Variants in ZNF84 observed in about 807,000 individuals in gnomAD.
ZNF84 encodes zinc finger protein HPF2.
In ZNF84, 12 loss-of-function variants were observed where a neutral mutation model predicts 14.8. That is an observed-to-expected ratio of 0.81 (90% CI 0.52 to 1.31). The LOEUF (loss-of-function observed/expected upper bound fraction) is 1.31, where lower values mean the gene tolerates loss of function less well. Among genes scored for constraint, ZNF84 ranks in the 50% most tolerant of loss-of-function variants. The probability of loss-of-function intolerance (pLI) is 0.00; values close to 1 mark genes in which losing one functional copy is unlikely to be tolerated. For synonymous variants in ZNF84, 347 were observed against 291.1 expected (o/e 1.19, Z -1.96); for missense variants, 859 against 878.6 (o/e 0.98, Z 0.28).
In ZNF84 at chr12:133,058,544, A is replaced by G; in HGVS notation, c.1829A>G (p.Glu610Gly). ...ECSLCRKAFFEKSELIRHLRT... is the reference protein window; with the variant it reads ...ECSLCRKAFFGKSELIRHLRT... ...AGTCTTTGTAGGAAAGCTTTTTTTG[A>G]GAAGTCGGAGCTAATTAGACATCTG... The change falls in exon 5 of 5, where the codon GAG (glutamate) becomes GGG (glycine). Residue 610 changes from glutamate (E) to glycine (G), a missense_variant. Glu to Gly is a moderately conservative substitution (Grantham distance 98, BLOSUM62 -2). Coordinates refer to ENST00000539354, the MANE Select transcript of ZNF84 (RefSeq NM_001289971.2). 1 of 1,613,990 alleles carries G rather than the reference A, an allele frequency of 6.2e-7. No individual in the cohort carries two copies. The highest frequency in any genetic ancestry group is 8.5e-7 in the Non-Finnish European group (1 of 1,179,962).
intron 2 of ZNF84, among the ~76,000 whole-genome samples, chr12:133,041,711 C>T (rs111542690): frequency 2.0e-5 from 3 of 152,322 alleles, no homozygotes; most frequent in African/African-American, 7.2e-5. Flanking sequence ...TACATAATTA[C>T]TGCATTTGAG....
intron 1 of ZNF84, among the ~76,000 whole-genome samples, chr12:133,038,202 A>G (rs1411851763): frequency 6.6e-6 from 1 of 152,162 alleles, no homozygotes; most frequent in Admixed American, 6.5e-5. Flanking sequence ...TTTTCTTTCA[A>G]ATATTCTTGT....
rs1954226059 is a variant in ZNF84 at position 133,059,755 on chromosome 12, T to C, written c.*823T>C. ...TGAAGACAACACTACACACCACTGGTTTTTATTTTTTAACAATAATATAAA... is the reference window on the plus strand; with the variant it reads ...TGAAGACAACACTACACACCACTGGCTTTTATTTTTTAACAATAATATAAA... On this transcript the variant is annotated 3_prime_UTR_variant, in exon 5 of 5. Coordinates refer to ENST00000539354, the MANE Select transcript of ZNF84 (RefSeq NM_001289971.2). The C allele has an allele frequency of 6.6e-6, 1 of 152,202 alleles. No homozygotes were observed. Among genetic ancestry groups the C allele is most frequent in the African/African-American group, 2.4e-5 (1 of 41,454 alleles). The allele number at this position is 152,202 out of a possible 1,614,324, so 9.4% of individuals were successfully genotyped here.
At position 133,061,841 on chromosome 12, in the gene ZNF84, G is replaced by A. The variant is rs878924666; in HGVS notation, c.*2909G>A. 1 of 152,294 alleles carries A rather than the reference G, an allele frequency of 6.6e-6. No homozygotes were observed. The highest frequency in any genetic ancestry group is 6.5e-5 in the Admixed American group (1 of 15,302). The allele number at this position is 152,294 out of a possible 1,614,324, so 9.4% of individuals were successfully genotyped here. The stretch of plus-strand genomic sequence containing the variant: ...AAAACTGATGCAGAGGTTCAAATAC[G>A]TTGTGCAGTAATCACTAGAACTCAC... On this transcript the variant is annotated 3_prime_UTR_variant, in exon 5 of 5. Coordinates refer to ENST00000539354, the MANE Select transcript of ZNF84 (RefSeq NM_001289971.2).
rs1398687922 is a variant in ZNF84, at chr12:133,062,374, C to G, written c.*3442C>G. 2 of 152,200 alleles carry G rather than the reference C, an allele frequency of 1.3e-5. No homozygotes were observed. The highest frequency in any genetic ancestry group is 2.9e-5 in the Non-Finnish European group (2 of 68,060). The allele number at this position is 152,200 out of a possible 1,614,324, so 9.4% of individuals were successfully genotyped here. On this transcript the variant is annotated 3_prime_UTR_variant, in exon 5 of 5. Coordinates refer to ENST00000539354, the MANE Select transcript of ZNF84 (RefSeq NM_001289971.2). ...TGACATAAAATGCACCCACAGAATG[C>G]CGTATTTATCAAAAGTAACTTTCTA... is the stretch of plus-strand genomic sequence containing the variant.
chr12:133,056,916 A>C, intron 4 of ZNF84, 38 bp from the exon 5 acceptor site: 1 of 1,508,916 alleles, frequency 6.6e-7, no homozygotes, highest in Non-Finnish European at 8.8e-7. Flanking sequence ...TGTTTTTAGA[A>C]AGCACAACCA....
At position 133,047,956 on chromosome 12, in the gene ZNF84, A is replaced by G; in HGVS notation, c.17A>G (p.Glu6Gly). The G allele has an allele frequency of 1.2e-6, 2 of 1,613,834 alleles. No homozygotes were observed. The highest frequency in any genetic ancestry group is 1.1e-5 in the South Asian group (1 of 91,060). Residue 6 changes from glutamate to glycine, a missense_variant and splice_region_variant, in exon 3 of 5, where the codon GAG becomes GGG. Glu to Gly is a moderately conservative substitution (Grantham distance 98). Transcript: ENST00000539354. MTMLQ[E>G]SFSFDDLSVD... ...TTTACCAGGATTGTGCTCTTACAGG[A>G]GTCATTCTCATTTGACGATTTATCT...
chr12:133,055,909 A>C (rs1353506566), intron 4 of ZNF84, among the ~76,000 whole-genome samples: 1 of 118,810 alleles, frequency 8.4e-6, no homozygotes, highest in African/African-American at 2.6e-5. Flanking sequence ...ACCATTCTGG[A>C]CAATATAGGG....
chr12:133,040,059 G>A (rs1953859584), intron 1 of ZNF84, among the ~76,000 whole-genome samples: 4 of 152,104 alleles, frequency 2.6e-5, no homozygotes, highest in Non-Finnish European at 4.4e-5. Context: ...GGTCAGGCTG[G>A]TTGAACTCCT....
intron 2 of ZNF84, among the ~76,000 whole-genome samples, chr12:133,042,935 A>T (rs1003652818): frequency 2.0e-5 from 3 of 152,068 alleles, no homozygotes; most frequent in African/African-American, 7.2e-5. Flanking sequence ...AGTCGTCACA[A>T]CCTCTTCCTC....
Position 133,063,100 on chromosome 12 carries a change from A to G in ZNF84, c.*4168A>G, listed in dbSNP as rs2137448375. The G allele has an allele frequency of 1.4e-6, 1 of 702,328 alleles. No homozygotes were observed. The highest frequency in any genetic ancestry group is 2.6e-6 in the Non-Finnish European group (1 of 384,812). The allele number at this position is 702,328 out of a possible 1,614,324, so 43.5% of individuals were successfully genotyped here. On this transcript the variant is annotated 3_prime_UTR_variant, in exon 5 of 5. Transcript: ENST00000539354. Reference sequence around the variant, plus strand: ...GCAGTGAGTGGCTGTTTTCTGCCACATGGAGAAACATGGTCTGCAGTGAGA... The same window carrying G: ...GCAGTGAGTGGCTGTTTTCTGCCACGTGGAGAAACATGGTCTGCAGTGAGA...
intron 2 of ZNF84, among the ~76,000 whole-genome samples, chr12:133,047,417 C>G (rs1265274505): frequency 6.6e-6 from 1 of 152,224 alleles, no homozygotes; most frequent in Non-Finnish European, 1.5e-5. Context: ...ATCTGCCCAG[C>G]AGCTGCCTGT....
intron 2 of ZNF84, among the ~76,000 whole-genome samples, chr12:133,043,126 G>A (rs549535417): frequency 1.3e-5 from 2 of 152,066 alleles, no homozygotes; most frequent in African/African-American, 4.8e-5. Context: ...ACATTTTGTG[G>A]CATTCACTGC....
Position 133,057,658 on chromosome 12 carries a change from G to A in ZNF84, c.943G>A (p.Gly315Arg). ...CATATCGCATTGGAGAACACACACA[G>A]GAGAGAAACCCTATGGATGCAATGA... ...HLISHWRTHT[G>R]EKPYGCNECG... is the part of the protein sequence containing the mutation. Residue 315 changes from glycine (G) to arginine (R), a missense_variant, in exon 5 of 5, where the codon GGA becomes AGA. Gly to Arg is a moderately radical substitution (Grantham distance 125). Transcript: ENST00000539354. 2 of 1,614,096 alleles carry A rather than the reference G, an allele frequency of 1.2e-6. No individual in the cohort carries two copies. The highest frequency in any genetic ancestry group is 1.7e-6 in the Non-Finnish European group (2 of 1,180,026).
intron 2 of ZNF84, among the ~76,000 whole-genome samples, chr12:133,043,174 T>C (rs1167116875): frequency 6.6e-6 from 1 of 152,130 alleles, no homozygotes; most frequent in Non-Finnish European, 1.5e-5. Context: ...TGAGGTGGCT[T>C]CTTTATTTTT....
Position 133,059,741 on chromosome 12 carries a change from C to G in ZNF84, c.*809C>G, listed in dbSNP as rs1295858803. 2 of 152,166 alleles carry G rather than the reference C, an allele frequency of 1.3e-5. No individual in the cohort carries two copies. Among genetic ancestry groups the G allele is most frequent in the African/African-American group, 4.8e-5 (2 of 41,428 alleles). The allele number at this position is 152,166 out of a possible 1,614,324, so 9.4% of individuals were successfully genotyped here. On this transcript the variant is annotated 3_prime_UTR_variant, in exon 5 of 5. Coordinates refer to ENST00000539354, the MANE Select transcript of ZNF84 (RefSeq NM_001289971.2). ...GCCTCTGATGTCTGTGAAGACAACA[C>G]TACACACCACTGGTTTTTATTTTTT... is the stretch of plus-strand genomic sequence containing the variant.
Position 133,058,958 on chromosome 12 carries a change from C to T in ZNF84, c.*26C>T, listed in dbSNP as rs1328984804. The T allele has an allele frequency of 1.3e-6, 2 of 1,545,514 alleles. No homozygotes were observed. Among genetic ancestry groups the T allele is most frequent in the African/African-American group, 2.7e-5 (2 of 72,742 alleles). On this transcript the variant is annotated 3_prime_UTR_variant, in exon 5 of 5. Coordinates refer to ENST00000539354, the MANE Select transcript of ZNF84 (RefSeq NM_001289971.2). Reference sequence around the variant, plus strand: ...GAATACAGTTAATAGTAGTCTTTGACAGATCATCTTGGACTTCAGGAAATG... The same window carrying T: ...GAATACAGTTAATAGTAGTCTTTGATAGATCATCTTGGACTTCAGGAAATG...
At chr12:133,044,852 T>G (rs1953951294) in intron 2 of ZNF84, among the ~76,000 whole-genome samples, 1 of 151,464 alleles carries the variant, frequency 6.6e-6, no homozygotes, top group Non-Finnish European at 1.5e-5. Flanking sequence ...AGGTGGAGGT[T>G]GCAGTGAGCC....
Position 133,058,123 on chromosome 12 carries a change from A to G in ZNF84, c.1408A>G (p.Arg470Gly), listed in dbSNP as rs1954194824. 1 of 1,613,876 alleles carries G rather than the reference A, an allele frequency of 6.2e-7. No individual in the cohort carries two copies. The highest frequency in any genetic ancestry group is 1.7e-5 in the Admixed American group (1 of 59,988). Residue 470 changes from arginine (R) to glycine (G), a missense_variant, in exon 5 of 5, where the codon AGG (arginine) becomes GGG (glycine). Transcript: ENST00000539354. The part of the protein sequence containing the change: ...ICSKCGKAFS[R>G]KSQLVRHQRT... The stretch of plus-strand genomic sequence containing the variant: ...CAGTAAATGTGGGAAAGCCTTCAGC[A>G]GGAAATCACAGCTCGTTAGACATCA...
Sources: allele counts gnomAD v4.1 joint callset (sites outside exome capture counted in the v4.1 genomes callset), GRCh38; gene constraint gnomAD v4.1.1; transcripts MANE v1.5; gene names NCBI Gene and HGNC (gene_info 2026-07-23, HGNC 2026-07-21).